The following RPAP3 variants were observed in gnomAD, a reference collection of about 807,000 sequenced individuals.
The protein encoded by RPAP3 is RNA polymerase II-associated protein 3.
RPAP3 carries 58 observed loss-of-function variants against 88.8 expected under a neutral mutation model. The ratio of observed to expected loss-of-function variants is 0.65; its 90% CI spans 0.53 to 0.81. RPAP3 has a LOEUF of 0.81. RPAP3 is among the 40% of genes least tolerant of loss of function. The probability of loss-of-function intolerance (pLI) is 0.00; values close to 1 mark genes in which losing one functional copy is unlikely to be tolerated. For synonymous variants in RPAP3, 255 were observed against 259.9 expected, an observed-to-expected ratio of 0.98 and a Z score of 0.18; for missense variants, 751 against 764.3, an observed-to-expected ratio of 0.98 and a Z score of 0.20.
At chr12:47,690,056 GA>G (rs1007735527) in intron 6 of RPAP3, among the ~76,000 whole-genome samples, 25 of 119,434 alleles carry the variant, frequency 2.1e-4, no homozygotes, top group African/African-American at 3.1e-4. Flanking sequence ...AAAAAAAAAA[GA>G]AAAAAAAAAA....
chr12:47,667,481 A>G (rs1938901788), intron 15 of RPAP3, among the ~76,000 whole-genome samples: 1 of 152,214 alleles, frequency 6.6e-6, no homozygotes, highest in South Asian at 2.1e-4. Context: ...ATATACATTC[A>G]AAGAGAATCA....
intron 6 of RPAP3, among the ~76,000 whole-genome samples, chr12:47,689,414 A>C (rs1939386249): frequency 6.6e-6 from 1 of 152,182 alleles, no homozygotes; most frequent in Non-Finnish European, 1.5e-5. Flanking sequence ...ATCTTGGCTC[A>C]CTGCAACCTC....
intron 10 of RPAP3, 51 bp from the exon 11 acceptor site, chr12:47,679,825 T>C (rs752945471): frequency 1.6e-6 from 2 of 1,280,970 alleles, no homozygotes; most frequent in Non-Finnish European, 1.1e-6. Flanking sequence ...TGTGGAGTTT[T>C]CATATTCGCA....
chr12:47,689,933 T>C (rs1161835621), intron 6 of RPAP3, among the ~76,000 whole-genome samples: 2 of 150,510 alleles, frequency 1.3e-5, no homozygotes, highest in Non-Finnish European at 3.0e-5. Flanking sequence ...CCCGGATACT[T>C]GGGAGGCTGA....
intron 12 of RPAP3, among the ~76,000 whole-genome samples, chr12:47,671,261 T>A (rs1022680171): frequency 6.6e-6 from 1 of 152,188 alleles, no homozygotes; most frequent in South Asian, 2.1e-4. Context: ...ATGAAACAAG[T>A]TAAGAAAAGC....
At chr12:47,692,076 G>T (rs926613680) in intron 5 of RPAP3, among the ~76,000 whole-genome samples, 1 of 152,142 alleles carries the variant, frequency 6.6e-6, no homozygotes, top group Non-Finnish European at 1.5e-5. Context: ...TTCATAAATA[G>T]ATGTCATCCA....
intron 9 of RPAP3, among the ~76,000 whole-genome samples, chr12:47,682,841 A>T (rs535021086): frequency 8.5e-5 from 13 of 152,204 alleles, no homozygotes; most frequent in Non-Finnish European, 1.8e-4. Context: ...GATAAAGAAT[A>T]TATCTGTGTT....
chr12:47,668,445 C>T (rs1226398026), intron 14 of RPAP3, among the ~76,000 whole-genome samples: 1 of 152,122 alleles, frequency 6.6e-6, no homozygotes, highest in East Asian at 1.9e-4. Flanking sequence ...CATGAGAAAA[C>T]GTATTTGGAA....
intron 12 of RPAP3, among the ~76,000 whole-genome samples, chr12:47,677,033 C>T (rs1038304255): frequency 1.3e-5 from 2 of 152,086 alleles, no homozygotes; most frequent in Non-Finnish European, 2.9e-5. Flanking sequence ...ACACCAAAAA[C>T]CTTATCCACC....
At chr12:47,688,066 T>G in intron 7 of RPAP3, 65 bp from the exon 8 acceptor site, 1 of 1,350,468 alleles carries the variant, frequency 7.4e-7, no homozygotes, top group Non-Finnish European at 9.8e-7. Context: ...TATTTGACCT[T>G]AAAACATAAA....
rs1211946489 is a variant in RPAP3 at position 47,663,469 on chromosome 12, G to A, written c.*36C>T. 3 of 1,377,504 alleles carry A rather than the reference G, an allele frequency of 2.2e-6. No homozygotes were observed. Among genetic ancestry groups the A allele is most frequent in the African/African-American group, 2.9e-5 (2 of 68,792 alleles). 85.3% of individuals were successfully genotyped at this position (1,377,504 alleles called of 1,614,324 possible). A position where few individuals can be genotyped will look rare whatever the true frequency, so the allele number is the denominator to read the frequency against. On this transcript the variant is annotated 3_prime_UTR_variant, in exon 17 of 17. Transcript: ENST00000005386. ...CTTTCAGTAGAAAAAATTTACATATGAAAGTCAAAAACAATTATTTCAGCA... is the reference window on the plus strand; with the variant it reads ...CTTTCAGTAGAAAAAATTTACATATAAAAGTCAAAAACAATTATTTCAGCA...
Position 47,690,528 on chromosome 12 carries a change from C to A in RPAP3, c.657G>T (p.Glu219Asp). 1 of 1,594,648 alleles carries A rather than the reference C, an allele frequency of 6.3e-7. No individual in the cohort carries two copies. The highest frequency in any genetic ancestry group is 8.5e-7 in the Non-Finnish European group (1 of 1,171,016). The change falls in exon 6 of 17, where the codon GAG (glutamate) becomes GAT (aspartate). Residue 219 changes from glutamate to aspartate, a missense_variant. Coordinates refer to ENST00000005386, the MANE Select transcript of RPAP3 (RefSeq NM_024604.3). ...GTGACTAGAAAATACCTTTTTTGGC[C>A]TCTTCTAATTTTTGCAAAGCAAATC... ...AARFALQKLE[E>D]AKKDYERVLE...
In RPAP3 at chr12:47,687,935, C is replaced by T. The variant is rs1939356700; in HGVS notation, c.805G>A (p.Glu269Lys). 8 of 1,613,548 alleles carry T rather than the reference C, an allele frequency of 5.0e-6. No homozygotes were observed. The highest frequency in any genetic ancestry group is 1.3e-5 in the African/African-American group (1 of 74,896). The change falls in exon 8 of 17, where the codon GAG becomes AAG. Residue 269 changes from glutamate to lysine, a missense_variant. By Grantham distance (56) the Glu-to-Lys change is moderately conservative (BLOSUM62 1). Coordinates refer to ENST00000005386, the MANE Select transcript of RPAP3 (RefSeq NM_024604.3). ...TGTTGTGCTTCAATTTGCTTTCGCT[C>T]TCCTTCTGTTGACTTAATCACTATG... ...ADIVIKSTEG[E>K]RKQIEAQQNK... is the part of the protein sequence containing the mutation.
chr12:47,689,170 T>A lies in RPAP3; in HGVS notation c.693A>T (p.Glu231Asp). 1 of 1,464,950 alleles carries A rather than the reference T, an allele frequency of 6.8e-7. No homozygotes were observed. Among genetic ancestry groups the A allele is most frequent in the Non-Finnish European group, 9.5e-7 (1 of 1,056,134 alleles). 90.7% of individuals were successfully genotyped at this position (1,464,950 alleles called of 1,614,324 possible). The stretch of plus-strand genomic sequence containing the variant: ...CATTTGTTGCTTCAAAGTTATTTGG[T>A]TCTAGTTCTAATACTCTTTCATAAT... ...KKDYERVLEL[E>D]PNNFEATNEL... The change falls in exon 7 of 17, where the codon GAA (glutamate) becomes GAT (aspartate). Residue 231 changes from glutamate to aspartate, a missense_variant. Glu to Asp is a conservative substitution (Grantham distance 45). Coordinates refer to ENST00000005386, the MANE Select transcript of RPAP3 (RefSeq NM_024604.3).
rs548761654 is a variant in RPAP3 at position 47,676,577 on chromosome 12, C to T, written c.1287+2916G>A. On this transcript the variant is annotated intron_variant, in intron 12 of 16. Coordinates refer to ENST00000005386, the MANE Select transcript of RPAP3 (RefSeq NM_024604.3). ...TGATAAAGGGGATATCACCACTGAT[C>T]CCACAGAAATACAAACTACCGTCAG... 2.8e-3 allele frequency among the ~76,000 whole-genome samples: 430 copies of T among 152,268 alleles called. 2 individuals are homozygous for T. Among genetic ancestry groups the T allele is most frequent in the Non-Finnish European group, 4.7e-3 (319 of 68,000 alleles).
intron 12 of RPAP3, 35 bp downstream of exon 12, chr12:47,679,458 A>G: frequency 7.2e-7 from 1 of 1,385,258 alleles, no homozygotes; most frequent in Non-Finnish European, 1.0e-6. Flanking sequence ...CAACATATTT[A>G]AATGGCAAGG....
At chr12:47,687,727 A>C (rs1368757738) in intron 8 of RPAP3, 149 bp downstream of exon 8, 1 of 716,906 alleles carries the variant, frequency 1.4e-6, no homozygotes, top group Non-Finnish European at 2.1e-6. Flanking sequence ...TTGAATTAGT[A>C]GGTCCCAGAG....
At chr12:47,686,728 A>C (rs1939331674) in intron 9 of RPAP3, 52 bp downstream of exon 9, 2 of 1,351,388 alleles carry the variant, frequency 1.5e-6, no homozygotes. Context: ...AAATTTACCA[A>C]TTTATTGTAA....
chr12:47,676,133 T>C (rs1053814208), intron 12 of RPAP3, among the ~76,000 whole-genome samples: 7 of 152,138 alleles, frequency 4.6e-5, no homozygotes, highest in African/African-American at 1.7e-4. Flanking sequence ...AACAACTTGC[T>C]CCTGAATGAC....
Sources: gnomAD v4.1 joint callset for allele counts (sites outside exome capture counted in the v4.1 genomes callset) on GRCh38, gnomAD v4.1.1 for gene constraint, MANE v1.5 for transcripts, NCBI Gene and HGNC (gene_info 2026-07-23, HGNC 2026-07-21) for gene names.